PZP: variants seen among roughly 807,000 people sequenced by gnomAD.
The protein encoded by PZP is pregnancy zone protein.
In PZP, 150 loss-of-function variants were observed where a neutral mutation model predicts 179.8. The ratio of observed to expected loss-of-function variants is 0.83; its 90% CI spans 0.73 to 0.96. The LOEUF (loss-of-function observed/expected upper bound fraction) is 0.96. Among genes scored for constraint, PZP ranks in the 40% least tolerant of loss-of-function variants. The pLI is 0.00. For synonymous variants in PZP, 624 were observed against 652.3 expected (o/e 0.96, Z 0.66); for missense variants, 1,689 against 1,764.0 (o/e 0.96, Z 0.76).
intron 34 of PZP, among the ~76,000 whole-genome samples, chr12:9,149,997 T>C (rs1458909213): frequency 6.6e-6 from 1 of 152,202 alleles, no homozygotes; most frequent in Non-Finnish European, 1.5e-5. Flanking sequence ...AAAACTCCAC[T>C]CATCCTCTAG....
Position 9,187,398 on chromosome 12 carries a change from C to T in PZP, c.1546+4795G>A, listed in dbSNP as rs111392165. On this transcript the variant is annotated intron_variant, in intron 13 of 35. Coordinates refer to ENST00000261336, the MANE Select transcript of PZP (RefSeq NM_002864.3). ...CACATACATTCTTCTCAACTGCACACGGCACTACTCTAAAACCGATCACAC... is the reference window on the plus strand; with the variant it reads ...CACATACATTCTTCTCAACTGCACATGGCACTACTCTAAAACCGATCACAC... 1.3e-4 allele frequency among the ~76,000 whole-genome samples: 20 copies of T among 152,290 alleles called. No individual in the cohort carries two copies. In the East Asian group the frequency reaches 2.1e-3, roughly 16 times the overall value.
In PZP at chr12:9,154,743, G is replaced by A. The variant is rs753917051; in HGVS notation, c.3647C>T (p.Ser1216Phe). 3.1e-6 allele frequency: 5 copies of A among 1,614,124 alleles called. No homozygotes were observed. The East Asian group carries it at 8.9e-5, about 29-fold the overall frequency. ...QAPSAEVEMTSYVLLAYLTAQ... is the reference protein window; with the variant it reads ...QAPSAEVEMTFYVLLAYLTAQ... ...CGTGAGATAAGCGAGGAGCACATAG[G>A]ATGTCATCTCCACCTCAGCAGAGGG... Residue 1216 changes from serine to phenylalanine, a missense_variant, in exon 29 of 36, where the codon TCC (serine) becomes TTC (phenylalanine). By Grantham distance (155) the Ser-to-Phe change is radical (BLOSUM62 -2). Coordinates refer to ENST00000261336, the MANE Select transcript of PZP (RefSeq NM_002864.3).
At position 9,154,665 on chromosome 12, in the gene PZP, T is replaced by G. The variant is rs1432920282; in HGVS notation, c.3725A>C (p.Lys1242Thr). The change falls in exon 29 of 36, where the codon AAG becomes ACG. Residue 1242 changes from lysine to threonine, a missense_variant. Physicochemically the swap from Lys to Thr is moderately conservative, Grantham distance 78. Transcript: ENST00000261336. ...GGCGTTCTGCTGCTTCATGATCCAC[T>G]TCACAATGTTAGTTGCAGAGGTCAG... is the stretch of plus-strand genomic sequence containing the variant. ...GDLTSATNIV[K>T]WIMKQQNAQG... 1 of 1,614,202 alleles carries G rather than the reference T, an allele frequency of 6.2e-7. No individual in the cohort carries two copies.
intron 19 of PZP, 29 bp downstream of exon 19, chr12:9,165,110 C>T: frequency 1.2e-6 from 2 of 1,602,204 alleles, no homozygotes; most frequent in Non-Finnish European, 1.7e-6. Flanking sequence ...GTTCTACCCA[C>T]CTTTCCTGTT....
intron 11 of PZP, 67 bp from the exon 12 acceptor site, chr12:9,192,806 A>G: frequency 1.8e-6 from 2 of 1,137,658 alleles, no homozygotes; most frequent in Non-Finnish European, 2.6e-6. Flanking sequence ...TCTCACCAAA[A>G]TGAATAGTTA....
In PZP at chr12:9,196,636, T is replaced by C; in HGVS notation, c.917A>G (p.Gln306Arg). The C allele has an allele frequency of 6.2e-7, 1 of 1,613,972 alleles. No individual in the cohort carries two copies. Among genetic ancestry groups the C allele is most frequent in the Non-Finnish European group, 8.5e-7 (1 of 1,179,822 alleles). Residue 306 changes from glutamine (Q) to arginine (R), a missense_variant, in exon 9 of 36, where the codon CAG becomes CGG. Transcript: ENST00000261336. ...ITQQVHTKML[Q>R]ITNTGFEMKL... The stretch of plus-strand genomic sequence containing the variant: ...CATTTCAAAGCCCGTATTTGTAATC[T>C]GGAGCATTTTGGTGTGTACTTGTTG...
At chr12:9,167,640 C>T (rs1941684447) in intron 17 of PZP, 1 of 152,176 alleles carries the variant, frequency 6.6e-6, no homozygotes. Flanking sequence ...CAAGATATTT[C>T]AGTTTTCTTA....
intron 27 of PZP, 78 bp downstream of exon 27, chr12:9,157,689 C>T: frequency 7.6e-7 from 1 of 1,315,592 alleles, no homozygotes; most frequent in Non-Finnish European, 1.1e-6. Flanking sequence ...ACTTGAGACT[C>T]AACCCTTAGC....
chr12:9,164,494 G>T (rs889771059), intron 19 of PZP, among the ~76,000 whole-genome samples: 5 of 152,216 alleles, frequency 3.3e-5, no homozygotes, highest in Admixed American at 6.5e-5. Context: ...GGACGTGCAG[G>T]CTTGGCAGTG....
intron 13 of PZP, among the ~76,000 whole-genome samples, chr12:9,183,517 A>G (rs1942909052): frequency 1.3e-5 from 2 of 152,134 alleles, no homozygotes; most frequent in South Asian, 4.1e-4. Flanking sequence ...GTACTGCCTC[A>G]GCCTCCCCAG....
chr12:9,138,326 T>C, the PZP span, among the ~76,000 whole-genome samples: 1 of 152,086 alleles, frequency 6.6e-6, no homozygotes, highest in Non-Finnish European at 1.5e-5. Flanking sequence ...TTATACATAC[T>C]GAACCATCCT....
In PZP at chr12:9,194,785, A is replaced by G. The variant is rs901584320; in HGVS notation, c.1093-547T>C. ...GGCCAAAGTCAGGGAGATTTTTAAT[A>G]ACTACAACTTGCCACTTAATATGCA... On this transcript the variant is annotated intron_variant, in intron 10 of 35. Coordinates refer to ENST00000261336, the MANE Select transcript of PZP (RefSeq NM_002864.3). Among the ~76,000 whole-genome samples, 7 of 152,116 alleles carry G rather than the reference A, an allele frequency of 4.6e-5. No individual in the cohort carries two copies. The East Asian group carries it at 9.6e-4, about 21-fold the overall frequency.
chr12:9,149,425 T>C (rs906632198), intron 35 of PZP, 136 bp downstream of exon 35: 1 of 815,134 alleles, frequency 1.2e-6, no homozygotes. Context: ...TACGCCACAG[T>C]TTTGTCTTGG....
At position 9,164,228 on chromosome 12, in the gene PZP, A is replaced by T. The variant is rs1047725818; in HGVS notation, c.2519T>A (p.Phe840Tyr). ...TCCCTTTGTATTTTGGGAAGCTAGGAAGGCTGGAGAGGCTTTCAGCTGCAC... is the reference window on the plus strand; with the variant it reads ...TCCCTTTGTATTTTGGGAAGCTAGGTAGGCTGGAGAGGCTTTCAGCTGCAC... ...VSVQLKASPA[F>Y]LASQNTKGEE... Residue 840 changes from phenylalanine to tyrosine, a missense_variant, in exon 20 of 36, where the codon TTC (phenylalanine) becomes TAC (tyrosine). Phe to Tyr is a conservative substitution (Grantham distance 22). This residue lies in a region of PZP where 201 missense variants were observed against 284.2 expected (regional missense o/e 0.71). Coordinates refer to ENST00000261336, the MANE Select transcript of PZP (RefSeq NM_002864.3). 6.2e-7 allele frequency: 1 copy of T among 1,612,936 alleles called. No homozygotes were observed. The highest frequency in any genetic ancestry group is 8.5e-7 in the Non-Finnish European group (1 of 1,179,002).
At chr12:9,195,225 C>G (rs765776411) in intron 10 of PZP, among the ~76,000 whole-genome samples, 4 of 151,994 alleles carry the variant, frequency 2.6e-5, no homozygotes, top group Middle Eastern at 3.4e-3. Context: ...TATGATGTAT[C>G]AATTTTTAAA....
rs1387088723 is a variant in PZP, at chr12:9,148,990, T to C, written c.4431A>G (p.Thr1477=). 6.8e-6 allele frequency: 11 copies of C among 1,611,524 alleles called. No individual in the cohort carries two copies. In the East Asian group the frequency reaches 2.5e-4, roughly 36 times the overall value. ...ATGGTCCTCAAACATTTCCATGCTC[T>C]GTATCTATGGAGAAAAGAAAAACGT... ...AEYIAPCSTD[T]EHGNV Residue 1477 remains threonine, a synonymous_variant, in exon 36 of 36, where the codon ACA becomes ACG. Transcript: ENST00000261336.
chr12:9,160,832 G>A (rs980031953), intron 23 of PZP, among the ~76,000 whole-genome samples: 7 of 151,716 alleles, frequency 4.6e-5, no homozygotes, highest in African/African-American at 9.7e-5. Context: ...GGAGAATGGC[G>A]TGAACCCAGG....
In PZP at chr12:9,165,365, G is replaced by A; in HGVS notation, c.2261C>T (p.Ser754Leu). The change falls in exon 19 of 36, where the codon TCA becomes TTA. Residue 754 changes from serine (S) to leucine (L), a missense_variant and splice_region_variant. Physicochemically the swap from Ser to Leu is moderately radical, Grantham distance 145. This residue lies in a region of PZP where 201 missense variants were observed against 284.2 expected (regional missense o/e 0.71). Coordinates refer to ENST00000261336, the MANE Select transcript of PZP (RefSeq NM_002864.3). ...TWIWELVAVN[S>L]SGVAEVGVTV... ...TACTCCTACCTCAGCCACACCTGAT[G>A]AGCTGGGGAGGAGGGCAAGTGAAGA... is the stretch of plus-strand genomic sequence containing the variant. 6.2e-7 allele frequency: 1 copy of A among 1,613,976 alleles called. No homozygotes were observed. Among genetic ancestry groups the A allele is most frequent in the Non-Finnish European group, 8.5e-7 (1 of 1,179,814 alleles).
At chr12:9,200,117 C>T (rs11049456) in intron 7 of PZP, among the ~76,000 whole-genome samples, 17,994 of 152,038 alleles carry the variant, frequency 0.12, 1,270 homozygotes, top group East Asian at 0.26. Flanking sequence ...GTGATTTATC[C>T]TAAGATGTTA....
Sources: allele counts gnomAD v4.1 joint callset (sites outside exome capture counted in the v4.1 genomes callset), GRCh38; gene constraint gnomAD v4.1.1; regional missense constraint gnomAD v4.1.1; transcripts MANE v1.5; gene names NCBI Gene and HGNC (gene_info 2026-07-23, HGNC 2026-07-21).